The following RIN2 variants were observed in gnomAD, a reference collection of about 807,000 sequenced individuals.
RIN2 encodes Ras and Rab interactor 2.
A neutral mutation model predicts 78.0 loss-of-function variants in RIN2; 36 were observed. The observed-to-expected ratio is 0.46, with a 90% CI of 0.35 to 0.61. The LOEUF (loss-of-function observed/expected upper bound fraction) is 0.61. Among genes scored for constraint, RIN2 ranks in the 20% least tolerant of loss-of-function variants. RIN2 has a pLI of 0.00. For synonymous variants in RIN2, 466 were observed against 466.8 expected (o/e 1.00, Z 0.02); for missense variants, 1,087 against 1,159.7 (o/e 0.94, Z 0.91).
chr20:19,938,758 T>G (rs542395286), intron 4 of RIN2, among the ~76,000 whole-genome samples: 1 of 152,358 alleles, frequency 6.6e-6, no homozygotes, highest in East Asian at 1.9e-4. Context: ...AAAGGTGGTC[T>G]GTGGAGTAAT....
intron 4 of RIN2, among the ~76,000 whole-genome samples, chr20:19,951,437 C>T (rs914603968): frequency 1.3e-5 from 2 of 152,138 alleles, no homozygotes; most frequent in African/African-American, 2.4e-5. Flanking sequence ...GACATGGTAC[C>T]TTCTCAGAGC....
intron 2 of RIN2, among the ~76,000 whole-genome samples, chr20:19,852,970 G>C (rs191724821): frequency 7.9e-5 from 12 of 151,346 alleles, no homozygotes; most frequent in African/African-American, 2.4e-4. Flanking sequence ...TGCCATGTTG[G>C]TGTGCTGCAC....
intron 1 of RIN2, among the ~76,000 whole-genome samples, chr20:19,773,867 A>G (rs1029433484): frequency 6.6e-5 from 10 of 150,800 alleles, no homozygotes; most frequent in African/African-American, 2.2e-4. Context: ...TTGTGATAAT[A>G]AAAATAAAAT....
At chr20:19,765,782 T>G (rs1177861537) in intron 1 of RIN2, among the ~76,000 whole-genome samples, 1 of 150,486 alleles carries the variant, frequency 6.6e-6, no homozygotes, top group East Asian at 2.0e-4. Flanking sequence ...CACAGGGATC[T>G]TGGGGGTGGG....
In RIN2 at chr20:19,892,320, G is replaced by A. The variant is rs183885978; in HGVS notation, c.57+2662G>A. ...CAACCTCTGCCTCCCGGGTTCAAGC[G>A]ATTCTCTGCCTCAGCCTCCCGAGCA... is the stretch of plus-strand genomic sequence containing the variant. On this transcript the variant is annotated intron_variant, in intron 3 of 12. Transcript: ENST00000255006. Among the ~76,000 whole-genome samples, 363 of 152,242 alleles carry A rather than the reference G, an allele frequency of 2.4e-3. 2 individuals are homozygous for A. Among genetic ancestry groups the A allele is most frequent in the African/African-American group, 8.2e-3 (342 of 41,552 alleles).
At chr20:19,959,079 T>G (rs2146250340) in intron 5 of RIN2, among the ~76,000 whole-genome samples, 1 of 152,278 alleles carries the variant, frequency 6.6e-6, no homozygotes, top group Middle Eastern at 3.4e-3. Context: ...TTGCAGGCCA[T>G]AGAGTCTCTG....
intron 1 of RIN2, among the ~76,000 whole-genome samples, chr20:19,765,555 C>T (rs1049934444): frequency 6.6e-6 from 1 of 152,184 alleles, no homozygotes; most frequent in African/African-American, 2.4e-5. Flanking sequence ...GCAGGGGATA[C>T]TTACACAGAC....
chr20:19,908,725 G>A (rs2039334125), intron 3 of RIN2, among the ~76,000 whole-genome samples: 1 of 152,224 alleles, frequency 6.6e-6, no homozygotes, highest in African/African-American at 2.4e-5. Flanking sequence ...ATTACTCACA[G>A]GCAGCAGAAG....
chr20:19,953,377 C>A (rs1036587934), intron 4 of RIN2, among the ~76,000 whole-genome samples: 3 of 152,094 alleles, frequency 2.0e-5, no homozygotes, highest in Non-Finnish European at 4.4e-5. Context: ...AGTGATCCAA[C>A]CGCCTCAGCA....
chr20:19,867,919 T>C (rs939842653), intron 2 of RIN2, among the ~76,000 whole-genome samples: 2 of 152,236 alleles, frequency 1.3e-5, no homozygotes, highest in African/African-American at 2.4e-5. Context: ...GCCTGCTCTC[T>C]GAACTGCAAG....
chr20:19,839,013 G>A lies in RIN2; in HGVS notation c.-37+39266G>A, dbSNP rs1436277209. On this transcript the variant is annotated intron_variant, in intron 2 of 12. Transcript: ENST00000255006. ...ATGAGTGGACCAACCTGATGATTGG[G>A]AACAGGATTCCAGCAGGACTGTTGG... Among the ~76,000 whole-genome samples the A allele has an allele frequency of 2.6e-5, 4 of 152,128 alleles. No homozygotes were observed. The East Asian group carries it at 7.7e-4, about 29-fold the overall frequency.
At chr20:19,974,560 C>G in intron 8 of RIN2, 94 bp from the exon 9 acceptor site, 1 of 1,255,468 alleles carries the variant, frequency 8.0e-7, no homozygotes, top group East Asian at 2.4e-5. Flanking sequence ...CCGCAAGACT[C>G]GCGTTGTCAT....
At chr20:19,893,181 G>A (rs570368026) in intron 3 of RIN2, among the ~76,000 whole-genome samples, 4 of 152,182 alleles carry the variant, frequency 2.6e-5, no homozygotes, top group Non-Finnish European at 5.9e-5. Flanking sequence ...ACTTCGATTT[G>A]AGAGCTGAGG....
intron 2 of RIN2, among the ~76,000 whole-genome samples, chr20:19,853,421 T>C (rs1176171941): frequency 2.6e-5 from 4 of 152,158 alleles, no homozygotes; most frequent in Admixed American, 2.0e-4. Context: ...CTGGGTCAAA[T>C]GGTATTTCTA....
intron 11 of RIN2, among the ~76,000 whole-genome samples, chr20:19,993,782 A>G (rs957007959): frequency 4.7e-5 from 7 of 150,326 alleles, no homozygotes; most frequent in African/African-American, 1.8e-4. Flanking sequence ...GTTAGTCTAC[A>G]TAGCATGCTT....
At position 19,949,697 on chromosome 20, in the gene RIN2, C is replaced by T. The variant is rs576702998; in HGVS notation, c.159-6918C>T. The stretch of plus-strand genomic sequence containing the variant: ...TGGTTGGGGATGCAGCTCGCGGGAG[C>T]GGGTGATGTAGGGGGAGGTGCAAGG... On this transcript the variant is annotated intron_variant, in intron 4 of 12. Coordinates refer to ENST00000255006, the MANE Select transcript of RIN2 (RefSeq NM_018993.4). Among the ~76,000 whole-genome samples, 56 of 152,234 alleles carry T rather than the reference C, an allele frequency of 3.7e-4. No individual in the cohort carries two copies. The South Asian group carries it at 8.9e-3, about 24-fold the overall frequency.
intron 1 of RIN2, among the ~76,000 whole-genome samples, chr20:19,765,969 A>T (rs961771171): frequency 6.6e-6 from 1 of 152,146 alleles, no homozygotes; most frequent in African/African-American, 2.4e-5. Context: ...CCAGGCACAG[A>T]TGGGGAGAAT....
Position 19,970,943 on chromosome 20 carries a change from C to G in RIN2, c.628+14C>G. 1 of 1,595,370 alleles carries G rather than the reference C, an allele frequency of 6.3e-7. No individual in the cohort carries two copies. Among genetic ancestry groups the G allele is most frequent in the Non-Finnish European group, 8.6e-7 (1 of 1,166,182 alleles). On this transcript the variant is annotated intron_variant, in intron 8 of 12. Transcript: ENST00000255006. The stretch of plus-strand genomic sequence containing the variant: ...AGATGGGACTAAGTAAGTGTGTGCC[C>G]CCTGCCTGAGTCTATCTAAAAATGA...
chr20:20,000,301 T>C (rs554258463), intron 12 of RIN2, among the ~76,000 whole-genome samples: 5,597 of 151,224 alleles, frequency 0.037, 308 homozygotes, highest in African/African-American at 0.13. Context: ...AAACCCAGCA[T>C]TGGATGTGGT....
Sources: gnomAD v4.1 joint callset for allele counts (sites outside exome capture counted in the v4.1 genomes callset) on GRCh38, gnomAD v4.1.1 for gene constraint, MANE v1.5 for transcripts, NCBI Gene and HGNC (gene_info 2026-07-23, HGNC 2026-07-21) for gene names.